Variants in MACF1 observed in about 807,000 individuals in gnomAD.
The protein encoded by MACF1 is microtubule actin crosslinking factor 1, also known as microtubule-actin cross-linking factor 1.
In MACF1, 193 loss-of-function variants were observed where a neutral mutation model predicts 854.8. The ratio of observed to expected loss-of-function variants is 0.23; its 90% CI spans 0.20 to 0.25. The LOEUF is 0.25. Among genes scored for constraint, MACF1 ranks in the 10% least tolerant of loss-of-function variants. The probability of loss-of-function intolerance (pLI) is 1.00; values close to 1 mark genes in which losing one functional copy is unlikely to be tolerated. For synonymous variants in MACF1, 3,185 were observed against 3,226.7 expected (o/e 0.99, Z 0.44); for missense variants, 7,722 against 8,929.1 (o/e 0.86, Z 5.45).
At position 39,334,667 on chromosome 1, in the gene MACF1, C is replaced by T; in HGVS notation, c.8079C>T (p.Ile2693=). ...AAGCCCAGGCAAATACTGGTGGAAT[C>T]ATAGATACTGCTACTGGAAAAAGAC... ...VLEAQANTGG[I]IDTATGKRLT... Residue 2693 remains isoleucine, a synonymous_variant, in exon 37 of 101, where the codon ATC becomes ATT. Transcript: ENST00000564288. 6.2e-7 allele frequency: 1 copy of T among 1,614,062 alleles called. No homozygotes were observed. Among genetic ancestry groups the T allele is most frequent in the Non-Finnish European group, 8.5e-7 (1 of 1,179,992 alleles).
chr1:39,337,759 G>A (rs1432424624), intron 38 of MACF1, among the ~76,000 whole-genome samples: 1 of 144,920 alleles, frequency 6.9e-6, no homozygotes, highest in Non-Finnish European at 1.5e-5. Flanking sequence ...TGTTTTTTGT[G>A]TTTTTTTGTG....
chr1:39,255,203 C>G (rs1461414900), intron 5 of MACF1, among the ~76,000 whole-genome samples: 1 of 152,166 alleles, frequency 6.6e-6, no homozygotes, highest in Non-Finnish European at 1.5e-5. Context: ...TACACAGCAC[C>G]CTTCCTCCTT....
At chr1:39,482,942 T>G (rs1216906770) in intron 99 of MACF1, among the ~76,000 whole-genome samples, 2 of 151,426 alleles carry the variant, frequency 1.3e-5, no homozygotes, top group Admixed American at 6.6e-5. Context: ...GGAGAAACCC[T>G]GTCTCTACAA....
intron 2 of MACF1, among the ~76,000 whole-genome samples, chr1:39,157,827 T>A (rs1643722506): frequency 6.6e-6 from 1 of 151,940 alleles, no homozygotes; most frequent in South Asian, 2.1e-4. Flanking sequence ...CATCCTCAGC[T>A]CCCCAAGTAG....
intron 22 of MACF1, among the ~76,000 whole-genome samples, chr1:39,301,351 C>T (rs1021388451): frequency 1.1e-4 from 16 of 151,924 alleles, no homozygotes; most frequent in Non-Finnish European, 5.9e-5. Context: ...TGGTCTCGAT[C>T]TCCTGACCTC....
chr1:39,315,767 C>A, intron 27 of MACF1, 76 bp downstream of exon 27: 1 of 1,392,306 alleles, frequency 7.2e-7, no homozygotes, highest in Non-Finnish European at 9.9e-7. Flanking sequence ...TAAAGTATTT[C>A]ATGAATAATA....
intron 2 of MACF1, among the ~76,000 whole-genome samples, chr1:39,191,220 A>G (rs917358161): frequency 7.4e-6 from 1 of 135,458 alleles, no homozygotes; most frequent in African/African-American, 2.8e-5. Context: ...TTTTTTTTTA[A>G]CCTAGCAGTA....
At chr1:39,394,270 G>C (rs200922247) in intron 58 of MACF1, among the ~76,000 whole-genome samples, 2 of 150,662 alleles carry the variant, frequency 1.3e-5, no homozygotes, top group African/African-American at 2.5e-5. Flanking sequence ...TTGATTGATT[G>C]ATTGATTTAT....
chr1:39,133,532 T>A (rs1643068479), intron 2 of MACF1, among the ~76,000 whole-genome samples: 1 of 152,102 alleles, frequency 6.6e-6, no homozygotes, highest in Non-Finnish European at 1.5e-5. Flanking sequence ...CTCCTCATCC[T>A]TTCTCCTCCT....
intron 7 of MACF1, 115 bp downstream of exon 7, chr1:39,282,489 G>A: frequency 8.3e-7 from 1 of 1,203,446 alleles, no homozygotes; most frequent in South Asian, 1.9e-5. Context: ...TGATTCATTT[G>A]TTCATTTGAA....
At chr1:39,341,254 G>A (rs1266460529) in intron 40 of MACF1, among the ~76,000 whole-genome samples, 15 of 150,786 alleles carry the variant, frequency 9.9e-5, no homozygotes, top group African/African-American at 3.4e-4. Context: ...GGCTGGTTTC[G>A]AACTCCTGAT....
intron 58 of MACF1, among the ~76,000 whole-genome samples, chr1:39,394,749 T>G (rs1428625514): frequency 2.6e-5 from 4 of 152,202 alleles, no homozygotes; most frequent in Non-Finnish European, 5.9e-5. Context: ...TGGCAGTTAG[T>G]ACACCTGCCT....
At chr1:39,266,594 CTTTTT>C (rs11406070) in intron 6 of MACF1, among the ~76,000 whole-genome samples, 1 of 58,126 alleles carries the variant, frequency 1.7e-5, no homozygotes, top group African/African-American at 7.3e-5. Context: ...TGGTCTTTTC[CTTTTT>C]TTTTTTTTTT....
At chr1:39,259,692 C>T (rs909592822) in intron 6 of MACF1, among the ~76,000 whole-genome samples, 1 of 150,942 alleles carries the variant, frequency 6.6e-6, no homozygotes. Context: ...GTGCAATCTC[C>T]GTTCACCGCA....
At chr1:39,221,005 A>C (rs1644645578) in intron 1 of MACF1, among the ~76,000 whole-genome samples, 1 of 152,176 alleles carries the variant, frequency 6.6e-6, no homozygotes, top group African/African-American at 2.4e-5. Context: ...AGGAGGTTCT[A>C]AGTTAGACAA....
At chr1:39,173,491 C>T (rs1304445558) in intron 2 of MACF1, among the ~76,000 whole-genome samples, 1 of 152,184 alleles carries the variant, frequency 6.6e-6, no homozygotes, top group Non-Finnish European at 1.5e-5. Flanking sequence ...GATTTCTATC[C>T]TCTTCCACCT....
intron 2 of MACF1, among the ~76,000 whole-genome samples, chr1:39,239,773 A>G (rs1644901250): frequency 6.6e-6 from 1 of 152,200 alleles, no homozygotes; most frequent in South Asian, 2.1e-4. Flanking sequence ...TAGCAGATAG[A>G]GCAGTTCTTT....
At chr1:39,358,064 A>G (rs1027445282) in intron 45 of MACF1, among the ~76,000 whole-genome samples, 171 bp downstream of exon 45, 1 of 152,210 alleles carries the variant, frequency 6.6e-6, no homozygotes, top group Non-Finnish European at 1.5e-5. Flanking sequence ...TGTAAAATAC[A>G]TAGGTACTAG....
intron 36 of MACF1, 132 bp from the exon 37 acceptor site, chr1:39,331,071 C>A (rs1335829615): frequency 7.7e-7 from 1 of 1,293,606 alleles, no homozygotes; most frequent in East Asian, 2.7e-5. Flanking sequence ...TAGGCGTGAG[C>A]CACTGTGCCT....
Sources: gnomAD v4.1 joint callset for allele counts (sites outside exome capture counted in the v4.1 genomes callset) on GRCh38, gnomAD v4.1.1 for gene constraint, MANE v1.5 for transcripts, NCBI Gene and HGNC (gene_info 2026-07-23, HGNC 2026-07-21) for gene names.